Variants in CNTNAP2 observed in about 807,000 individuals in gnomAD.
CNTNAP2 encodes contactin-associated protein-like 2.
Under a neutral mutation model 155.2 loss-of-function variants are expected in CNTNAP2, and 98 were observed. That is an observed-to-expected ratio of 0.63 (90% CI 0.54 to 0.75). The LOEUF (loss-of-function observed/expected upper bound fraction) is 0.75. Among genes scored for constraint, CNTNAP2 ranks in the 30% least tolerant of loss-of-function variants. The probability of loss-of-function intolerance (pLI) is 0.00; values close to 1 mark genes in which losing one functional copy is unlikely to be tolerated. For missense variants in CNTNAP2, 1,727 were observed against 1,688.1 expected, an observed-to-expected ratio of 1.02 and a Z score of -0.40; for synonymous variants, 651 against 631.2, an observed-to-expected ratio of 1.03 and a Z score of -0.47.
intron 13 of CNTNAP2, among the ~76,000 whole-genome samples, chr7:147,842,341 A>G (rs954069381): frequency 6.6e-6 from 1 of 152,228 alleles, no homozygotes; most frequent in Non-Finnish European, 1.5e-5. Context: ...TTTGTTGCAG[A>G]TTCATAAGAT....
chr7:146,366,656 G>A (rs547494958), intron 1 of CNTNAP2, among the ~76,000 whole-genome samples: 9 of 152,216 alleles, frequency 5.9e-5, no homozygotes, highest in African/African-American at 2.2e-4. Context: ...CATCCATCAA[G>A]GGCTCCACCT....
intron 20 of CNTNAP2, among the ~76,000 whole-genome samples, chr7:148,232,212 T>A (rs1043694093): frequency 1.3e-5 from 2 of 152,210 alleles, no homozygotes; most frequent in Non-Finnish European, 2.9e-5. Flanking sequence ...GAAGACAAGA[T>A]GTAGTTCCTC....
At chr7:146,453,841 A>G (rs1361852087) in intron 1 of CNTNAP2, among the ~76,000 whole-genome samples, 4 of 152,166 alleles carry the variant, frequency 2.6e-5, no homozygotes, top group Non-Finnish European at 5.9e-5. Context: ...AGCAACAGAA[A>G]CCATTCAAAA....
intron 13 of CNTNAP2, among the ~76,000 whole-genome samples, chr7:147,668,761 T>C (rs1158365805): frequency 6.6e-6 from 1 of 152,020 alleles, no homozygotes; most frequent in Non-Finnish European, 1.5e-5. Flanking sequence ...TAAAAATTTA[T>C]AATAAGCTAA....
intron 4 of CNTNAP2, among the ~76,000 whole-genome samples, chr7:147,073,431 C>T (rs953604476): frequency 8.6e-5 from 13 of 151,818 alleles, no homozygotes; most frequent in East Asian, 1.9e-4. Flanking sequence ...CAAGGTGTTG[C>T]GTGGATAACT....
intron 4 of CNTNAP2, among the ~76,000 whole-genome samples, chr7:147,085,025 T>C (rs2129270424): frequency 6.6e-6 from 1 of 152,144 alleles, no homozygotes; most frequent in South Asian, 2.1e-4. Context: ...GGCTTATTTT[T>C]TTCTCAAAGT....
rs144756039 is a variant in CNTNAP2 at position 147,270,427 on chromosome 7, C to T, written c.1349-29714C>T. ...CTTTGGATATTGGGTAAAATAGATA[C>T]GAAAATTAAGTCGCTGGTTACTTTA... On this transcript the variant is annotated intron_variant, in intron 8 of 23. Coordinates refer to ENST00000361727, the MANE Select transcript of CNTNAP2 (RefSeq NM_014141.6). Among the ~76,000 whole-genome samples, 122 of 152,250 alleles carry T rather than the reference C, an allele frequency of 8.0e-4. 1 individual carries two copies. Among genetic ancestry groups the T allele is most frequent in the Middle Eastern group, 3.4e-3 (1 of 294 alleles).
At chr7:147,423,844 C>T (rs143254536) in intron 10 of CNTNAP2, among the ~76,000 whole-genome samples, 2 of 152,320 alleles carry the variant, frequency 1.3e-5, no homozygotes, top group Non-Finnish European at 2.9e-5. Context: ...GTCTTGTTCA[C>T]TCATGTGCTC....
chr7:146,496,753 C>A (rs948612240), intron 1 of CNTNAP2, among the ~76,000 whole-genome samples: 1 of 152,142 alleles, frequency 6.6e-6, no homozygotes, highest in African/African-American at 2.4e-5. Flanking sequence ...GATTGAAGAA[C>A]TATTAGATGA....
chr7:146,960,995 C>T (rs1434938703), intron 3 of CNTNAP2, among the ~76,000 whole-genome samples: 3 of 152,156 alleles, frequency 2.0e-5, no homozygotes, highest in Non-Finnish European at 2.9e-5. Context: ...AGCTCTCACC[C>T]GCTCATTCTC....
intron 21 of CNTNAP2, among the ~76,000 whole-genome samples, chr7:148,363,245 A>T (rs996745166): frequency 1.3e-5 from 2 of 152,190 alleles, no homozygotes; most frequent in Non-Finnish European, 2.9e-5. Context: ...GGCCTCCCTA[A>T]GTGCCGGGAT....
At chr7:147,052,067 G>A (rs1251796630) in intron 4 of CNTNAP2, among the ~76,000 whole-genome samples, 1 of 152,000 alleles carries the variant, frequency 6.6e-6, no homozygotes, top group South Asian at 2.1e-4. Flanking sequence ...AACCAAAATA[G>A]CCTCTCCATC....
intron 2 of CNTNAP2, among the ~76,000 whole-genome samples, chr7:146,814,670 A>T (rs1230525733): frequency 6.6e-6 from 1 of 152,144 alleles, no homozygotes; most frequent in African/African-American, 2.4e-5. Flanking sequence ...CTGAAAACCC[A>T]GTAAGTTAAG....
intron 3 of CNTNAP2, among the ~76,000 whole-genome samples, chr7:146,876,309 C>T (rs553662498): frequency 4.4e-4 from 67 of 152,196 alleles, no homozygotes; most frequent in African/African-American, 1.6e-3. Context: ...TCCCCCAGGG[C>T]ATGTTCTTTT....
At chr7:146,660,520 G>A (rs1800068572) in intron 1 of CNTNAP2, among the ~76,000 whole-genome samples, 1 of 152,180 alleles carries the variant, frequency 6.6e-6, no homozygotes, top group South Asian at 2.1e-4. Context: ...ATTAAAAGAG[G>A]TAATGTGTAT....
chr7:147,955,706 CCAAG>C (rs1170748830), intron 14 of CNTNAP2, among the ~76,000 whole-genome samples: 1 of 152,138 alleles, frequency 6.6e-6, no homozygotes, highest in Non-Finnish European at 1.5e-5. Context: ...CAGTCCCTGA[CCAAG>C]TGGATCGGAA....
At chr7:146,322,386 A>T (rs1057316437) in intron 1 of CNTNAP2, among the ~76,000 whole-genome samples, 1 of 152,148 alleles carries the variant, frequency 6.6e-6, no homozygotes, top group South Asian at 2.1e-4. Context: ...AAAAATGTGC[A>T]TGATGTTTAG....
At chr7:147,390,100 G>C (rs1796684438) in intron 9 of CNTNAP2, among the ~76,000 whole-genome samples, 1 of 152,054 alleles carries the variant, frequency 6.6e-6, no homozygotes, top group African/African-American at 2.4e-5. Context: ...AACAAACACA[G>C]AAAATAAATA....
At chr7:147,771,534 G>C (rs1436853877) in intron 13 of CNTNAP2, among the ~76,000 whole-genome samples, 38 of 152,196 alleles carry the variant, frequency 2.5e-4, no homozygotes, top group Admixed American at 2.5e-3. Flanking sequence ...TATTTTGTTA[G>C]GCCAGTGGAT....
Sources: gnomAD v4.1 joint callset for allele counts (sites outside exome capture counted in the v4.1 genomes callset) on GRCh38, gnomAD v4.1.1 for gene constraint, MANE v1.5 for transcripts, NCBI Gene and HGNC (gene_info 2026-07-23, HGNC 2026-07-21) for gene names.